Variants in ILRUN observed in about 807,000 individuals in gnomAD.
ILRUN encodes the protein protein ILRUN.
In ILRUN, 3 loss-of-function variants were observed where a neutral mutation model predicts 33.8. The observed-to-expected ratio is 0.09, with a 90% CI of 0.04 to 0.23. ILRUN has a LOEUF of 0.23. Ranked by LOEUF, ILRUN falls within the 10% of genes least tolerant of loss-of-function variation. The pLI is 1.00. For synonymous variants in ILRUN, 124 were observed against 138.9 expected (o/e 0.89, Z 0.75); for missense variants, 210 against 375.1 (o/e 0.56, Z 3.64).
intron 1 of ILRUN, among the ~76,000 whole-genome samples, chr6:34,691,254 T>C (rs1460098393): frequency 3.3e-5 from 5 of 152,172 alleles, no homozygotes; most frequent in Admixed American, 6.6e-5. Context: ...CACAGCCCAA[T>C]AGTATCTCTG....
At chr6:34,624,835 A>G (rs569001933) in intron 3 of ILRUN, among the ~76,000 whole-genome samples, 3 of 152,226 alleles carry the variant, frequency 2.0e-5, no homozygotes, top group Admixed American at 6.5e-5. Context: ...AAAAAGTATA[A>G]AACATCATTA....
chr6:34,670,946 C>T (rs923103785), intron 1 of ILRUN, among the ~76,000 whole-genome samples: 2 of 151,300 alleles, frequency 1.3e-5, no homozygotes, highest in Admixed American at 1.3e-4. Context: ...AGGTAAAAGA[C>T]ACAGCACAAC....
intron 1 of ILRUN, chr6:34,671,807 G>A (rs566655656): frequency 6.6e-6 from 1 of 152,350 alleles, no homozygotes; most frequent in South Asian, 2.1e-4. Flanking sequence ...GAACTGGGAA[G>A]TAGACAAGTG....
chr6:34,650,406 T>TA (rs1491235001), intron 2 of ILRUN, among the ~76,000 whole-genome samples: 30 of 127,344 alleles, frequency 2.4e-4, no homozygotes, highest in South Asian at 1.7e-3. Flanking sequence ...TATTTATTTA[T>TA]TTTTATTTAT....
chr6:34,603,933 T>G (rs1367949692), intron 4 of ILRUN, among the ~76,000 whole-genome samples: 1 of 152,224 alleles, frequency 6.6e-6, no homozygotes, highest in Admixed American at 6.5e-5. Flanking sequence ...AGAGTGGAGC[T>G]GACTCAACTT....
intron 3 of ILRUN, among the ~76,000 whole-genome samples, chr6:34,632,265 AC>A (rs1375236151): frequency 6.6e-6 from 1 of 151,888 alleles, no homozygotes; most frequent in African/African-American, 2.4e-5. Flanking sequence ...ACATGGAGAA[AC>A]CCCGTCTCTA....
chr6:34,608,241 A>G (rs1263626538), intron 3 of ILRUN, among the ~76,000 whole-genome samples: 1 of 152,156 alleles, frequency 6.6e-6, no homozygotes, highest in African/African-American at 2.4e-5. Context: ...TGAAAATTAA[A>G]AAACTAGCTG....
intron 1 of ILRUN, among the ~76,000 whole-genome samples, chr6:34,692,909 A>G (rs1763676056): frequency 1.3e-5 from 2 of 152,076 alleles, no homozygotes; most frequent in Non-Finnish European, 2.9e-5. Context: ...AAATTAAATA[A>G]AAAGTAAAAA....
chr6:34,623,021 G>A (rs148952684), intron 3 of ILRUN, among the ~76,000 whole-genome samples: 17 of 152,310 alleles, frequency 1.1e-4, no homozygotes, highest in African/African-American at 3.6e-4. Context: ...ATAATTCCAC[G>A]TATGTGAGGT....
At chr6:34,658,584 A>G (rs1323463983) in intron 1 of ILRUN, among the ~76,000 whole-genome samples, 1 of 150,448 alleles carries the variant, frequency 6.6e-6, no homozygotes, top group Non-Finnish European at 1.5e-5. Context: ...AGGCGGGCAG[A>G]TCGCCTGAGG....
chr6:34,692,547 C>T (rs7771778), intron 1 of ILRUN, among the ~76,000 whole-genome samples: 84,255 of 151,970 alleles, frequency 0.55, 25,382 homozygotes, highest in South Asian at 0.69. Context: ...ACTTGGGCAA[C>T]ACACACAAAT....
At chr6:34,676,652 A>AC (rs1368568214) in intron 1 of ILRUN, among the ~76,000 whole-genome samples, 3 of 151,878 alleles carry the variant, frequency 2.0e-5, no homozygotes. Context: ...ACAGGTGCAC[A>AC]CCACCTCGCC....
intron 1 of ILRUN, among the ~76,000 whole-genome samples, chr6:34,661,619 T>C (rs187424338): frequency 1.1e-4 from 17 of 152,184 alleles, no homozygotes; most frequent in African/African-American, 4.1e-4. Flanking sequence ...AACCTAAAGG[T>C]ATTTCAAGTC....
chr6:34,638,274 C>T (rs1005163591), intron 3 of ILRUN, among the ~76,000 whole-genome samples: 1 of 152,272 alleles, frequency 6.6e-6, no homozygotes, highest in East Asian at 1.9e-4. Context: ...GTGCAACTGA[C>T]GGCAGGTTTC....
intron 2 of ILRUN, among the ~76,000 whole-genome samples, chr6:34,652,235 G>A (rs1004936560): frequency 6.6e-6 from 1 of 152,012 alleles, no homozygotes; most frequent in African/African-American, 2.4e-5. Context: ...AAAGAAATTA[G>A]GCAAAGTAAA....
intron 2 of ILRUN, among the ~76,000 whole-genome samples, chr6:34,654,242 ACCT>A (rs969900532): frequency 2.6e-4 from 40 of 152,030 alleles, no homozygotes; most frequent in Non-Finnish European, 4.6e-4. Flanking sequence ...TCAAGGATAC[ACCT>A]CCTCTAGCCT....
At chr6:34,661,132 T>G (rs556435064) in intron 1 of ILRUN, among the ~76,000 whole-genome samples, 2 of 152,146 alleles carry the variant, frequency 1.3e-5, no homozygotes, top group Non-Finnish European at 2.9e-5. Flanking sequence ...TATACCATTT[T>G]CCAAGTAGAA....
At chr6:34,613,576 G>A (rs1761804965) in intron 3 of ILRUN, among the ~76,000 whole-genome samples, 2 of 152,180 alleles carry the variant, frequency 1.3e-5, no homozygotes, top group African/African-American at 4.8e-5. Flanking sequence ...GAACAAATAA[G>A]TAAACGGATG....
rs556324636 is a variant in ILRUN, at chr6:34,667,183, A to G, written c.159-12404T>C. Among the ~76,000 whole-genome samples, 10 of 152,366 alleles carry G rather than the reference A, an allele frequency of 6.6e-5. No homozygotes were observed. In the South Asian group the frequency reaches 1.0e-3, roughly 16 times the overall value. On this transcript the variant is annotated intron_variant, in intron 1 of 4. Coordinates refer to ENST00000374023, the MANE Select transcript of ILRUN (RefSeq NM_024294.4). ...GACAGAAAAGCAGCACACATCCCCA[A>G]ATAATGTAAACATAGTGAATGAAGG...
Sources: allele counts gnomAD v4.1 joint callset (sites outside exome capture counted in the v4.1 genomes callset), GRCh38; gene constraint gnomAD v4.1.1; transcripts MANE v1.5; gene names NCBI Gene and HGNC (gene_info 2026-07-23, HGNC 2026-07-21).